KRT7: variants seen among roughly 807,000 people sequenced by gnomAD.
KRT7 encodes keratin, type II cytoskeletal 7.
KRT7 carries 50 observed loss-of-function variants against 42.8 expected under a neutral mutation model. The observed-to-expected ratio is 1.17, with a 90% CI of 0.93 to 1.48. The LOEUF is 1.48. KRT7 is among the 40% of genes most tolerant of loss of function. The probability of loss-of-function intolerance (pLI) is 0.00; values close to 1 mark genes in which losing one functional copy is unlikely to be tolerated. For synonymous variants in KRT7, 268 were observed against 266.3 expected (o/e 1.01, Z -0.06); for missense variants, 588 against 637.6 (o/e 0.92, Z 0.84).
chr12:52,240,629 C>CA (rs919934726), intron 4 of KRT7, among the ~76,000 whole-genome samples: 14 of 131,484 alleles, frequency 1.1e-4, no homozygotes, highest in East Asian at 4.4e-4. Flanking sequence ...AACTCTGTCT[C>CA]AAAAAAAAAG....
chr12:52,241,306 A>C (rs568922744), intron 4 of KRT7, among the ~76,000 whole-genome samples, 166 bp from the exon 5 acceptor site: 1 of 152,124 alleles, frequency 6.6e-6, no homozygotes, highest in Non-Finnish European at 1.5e-5. Context: ...GGGTGGGCAG[A>C]ATGAAGTAAC....
Position 52,248,872 on chromosome 12 carries a change from T to C in KRT7, c.*112T>C. On this transcript the variant is annotated 3_prime_UTR_variant, in exon 9 of 9. Transcript: ENST00000331817. ...CAGTGAGACAGTCTGGAAAGTGATG[T>C]CAGAATAGCTTCCAATAAAGCAGCC... 9.2e-7 allele frequency: 1 copy of C among 1,081,930 alleles called. No individual in the cohort carries two copies. Among genetic ancestry groups the C allele is most frequent in the South Asian group, 2.1e-5 (1 of 48,734 alleles). The allele number at this position is 1,081,930 out of a possible 1,614,324, so 67.0% of individuals were successfully genotyped here.
intron 3 of KRT7, 122 bp from the exon 4 acceptor site, chr12:52,238,558 C>A: frequency 1.5e-6 from 1 of 673,674 alleles, no homozygotes. Flanking sequence ...GAAACTGTTT[C>A]TGGGTAGGGC....
intron 4 of KRT7, among the ~76,000 whole-genome samples, chr12:52,240,539 A>G (rs1259034751): frequency 6.6e-6 from 1 of 152,074 alleles, no homozygotes; most frequent in Non-Finnish European, 1.5e-5. Flanking sequence ...CTGAGACAGG[A>G]GAACTGGTTG....
downstream of KRT7, among the ~76,000 whole-genome samples, chr12:52,254,818 A>C (rs1942317269): frequency 6.6e-6 from 1 of 152,060 alleles, no homozygotes; most frequent in Non-Finnish European, 1.5e-5. Flanking sequence ...TAACCTCTGC[A>C]CCTCATTTTC....
intron 3 of KRT7, 143 bp downstream of exon 3, chr12:52,237,712 C>A: frequency 1.9e-6 from 1 of 520,544 alleles, no homozygotes; most frequent in Non-Finnish European, 3.5e-6. Flanking sequence ...ACAGCCTGTC[C>A]TGTGGGTGCG....
downstream of KRT7, among the ~76,000 whole-genome samples, chr12:52,250,900 T>C (rs780939078): frequency 1.2e-4 from 18 of 152,238 alleles, no homozygotes; most frequent in Non-Finnish European, 1.8e-4. Flanking sequence ...GCGAACATCA[T>C]GGAGTGCACA....
chr12:52,238,580 G>C, intron 3 of KRT7, 100 bp from the exon 4 acceptor site: 1 of 745,688 alleles, frequency 1.3e-6, no homozygotes, highest in Non-Finnish European at 2.5e-6. Context: ...GTAGTATTTG[G>C]CCTGTGGGTT....
Position 52,238,785 on chromosome 12 carries a change from A to G in KRT7, c.693+10A>G. ...GACCCTCAATGAGACGGTGAGGACCATGGAGCTGGGTGACATGTCTTATCC... is the reference window on the plus strand; with the variant it reads ...GACCCTCAATGAGACGGTGAGGACCGTGGAGCTGGGTGACATGTCTTATCC... On this transcript the variant is annotated intron_variant, in intron 4 of 8. Coordinates refer to ENST00000331817, the MANE Select transcript of KRT7 (RefSeq NM_005556.4). 2 of 1,555,200 alleles carry G rather than the reference A, an allele frequency of 1.3e-6. No homozygotes were observed. Among genetic ancestry groups the G allele is most frequent in the Non-Finnish European group, 1.8e-6 (2 of 1,126,104 alleles).
chr12:52,252,004 G>A, downstream of KRT7: 1 of 669,738 alleles, frequency 1.5e-6, no homozygotes, highest in South Asian at 1.5e-5. Context: ...GTTATTTCAG[G>A]ACCCACAAAA....
At chr12:52,249,174 G>A (rs1942225534), downstream of KRT7, 1 of 155,628 alleles carries the variant, frequency 6.4e-6, no homozygotes, top group Non-Finnish European at 1.4e-5. Context: ...GCCAGCAATT[G>A]GGCCTTGGAG....
chr12:52,251,988 C>T, downstream of KRT7: 1 of 643,442 alleles, frequency 1.6e-6, no homozygotes, highest in Non-Finnish European at 2.9e-6. Flanking sequence ...CCCAGAACCC[C>T]AAGCTGTTAT....
intron 1 of KRT7, 148 bp downstream of exon 1, chr12:52,233,768 G>T: frequency 3.7e-6 from 3 of 807,060 alleles, no homozygotes; most frequent in Middle Eastern, 3.6e-4. Flanking sequence ...CGATCTGGGG[G>T]TCCTTCCTCC....
chr12:52,235,582 C>A (rs1391680910), intron 2 of KRT7, among the ~76,000 whole-genome samples: 6 of 152,188 alleles, frequency 3.9e-5, no homozygotes, highest in Non-Finnish European at 7.3e-5. Context: ...GTCTTTTCCC[C>A]TGACTCAGTC....
chr12:52,240,420 A>T (rs1942071103), intron 4 of KRT7, among the ~76,000 whole-genome samples: 1 of 152,124 alleles, frequency 6.6e-6, no homozygotes, highest in Non-Finnish European at 1.5e-5. Flanking sequence ...ACCTGATGTC[A>T]GGAGTTGGAG....
chr12:52,241,441 T>TG, intron 4 of KRT7, 31 bp from the exon 5 acceptor site: 1 of 1,572,462 alleles, frequency 6.4e-7, no homozygotes, highest in South Asian at 1.2e-5. Flanking sequence ...GATCCTGCCC[T>TG]AAGTCCTGAT....
At chr12:52,252,998 C>A (rs1942289263), downstream of KRT7, among the ~76,000 whole-genome samples, 2 of 152,192 alleles carry the variant, frequency 1.3e-5, no homozygotes, top group Admixed American at 6.5e-5. Flanking sequence ...TCCTCTGCCC[C>A]ACTCTGCCCT....
In KRT7 at chr12:52,233,566, G is replaced by A. The variant is rs752879360; in HGVS notation, c.270G>A (p.Glu90=). 1 of 1,613,232 alleles carries A rather than the reference G, an allele frequency of 6.2e-7. No individual in the cohort carries two copies. Among genetic ancestry groups the A allele is most frequent in the Non-Finnish European group, 8.5e-7 (1 of 1,179,836 alleles). ...ADPSLQRVRQ[E]ESEQIKTLNN... Reference sequence around the variant, plus strand: ...CCTCCCTCCAGCGGGTGCGCCAGGAGGAGAGCGAGCAGATCAAGACCCTCA... The same window carrying A: ...CCTCCCTCCAGCGGGTGCGCCAGGAAGAGAGCGAGCAGATCAAGACCCTCA... The change falls in exon 1 of 9, where the codon GAG becomes GAA. Residue 90 remains glutamate (E), a synonymous_variant. Transcript: ENST00000331817.
downstream of KRT7, chr12:52,253,913 G>A (rs1942302574): frequency 2.5e-6 from 1 of 401,208 alleles, no homozygotes; most frequent in African/African-American, 2.1e-5. Flanking sequence ...CCTCAACCCT[G>A]GGACCCCCTC....
Sources: allele counts gnomAD v4.1 joint callset (sites outside exome capture counted in the v4.1 genomes callset), GRCh38; gene constraint gnomAD v4.1.1; transcripts MANE v1.5; gene names NCBI Gene and HGNC (gene_info 2026-07-23, HGNC 2026-07-21).